ERLIN1: variants seen among roughly 807,000 people sequenced by gnomAD.
The protein encoded by ERLIN1 is ER lipid raft associated 1.
ERLIN1 carries 24 observed loss-of-function variants against 46.9 expected under a neutral mutation model. The observed-to-expected ratio is 0.51, with a 90% CI of 0.37 to 0.72. The LOEUF is 0.72. Ranked by LOEUF, ERLIN1 falls within the 30% of genes least tolerant of loss-of-function variation. ERLIN1 has a pLI of 0.00. For missense variants in ERLIN1, 293 were observed against 417.9 expected, an observed-to-expected ratio of 0.70 and a Z score of 2.61; for synonymous variants, 158 against 143.2, an observed-to-expected ratio of 1.10 and a Z score of -0.74.
chr10:100,163,667 G>A (rs902775349), intron 8 of ERLIN1, among the ~76,000 whole-genome samples: 2 of 152,152 alleles, frequency 1.3e-5, no homozygotes, highest in African/African-American at 4.8e-5. Flanking sequence ...ACTACAATCT[G>A]AAACTTTGGT....
intron 7 of ERLIN1, among the ~76,000 whole-genome samples, chr10:100,165,601 T>C (rs955168180): frequency 6.6e-6 from 1 of 152,116 alleles, no homozygotes; most frequent in South Asian, 2.1e-4. Context: ...TTAGCTAGGA[T>C]GGTCTCGATC....
chr10:100,170,500 G>A (rs992554725), intron 6 of ERLIN1, among the ~76,000 whole-genome samples: 1 of 152,156 alleles, frequency 6.6e-6, no homozygotes, highest in African/African-American at 2.4e-5. Context: ...AGATCCTTCT[G>A]GCTGTTGTGC....
chr10:100,168,385 T>C (rs920430230), intron 6 of ERLIN1, among the ~76,000 whole-genome samples: 2 of 152,160 alleles, frequency 1.3e-5, no homozygotes, highest in Non-Finnish European at 1.5e-5. Flanking sequence ...CAATCATAAC[T>C]AAATATAAGG....
chr10:100,186,001 A>C lies in ERLIN1; in HGVS notation c.-375T>G. The C allele has an allele frequency of 1.9e-5, 8 of 414,286 alleles. No homozygotes were observed. Among genetic ancestry groups the C allele is most frequent in the Non-Finnish European group, 3.0e-5 (7 of 235,866 alleles). 25.7% of individuals were successfully genotyped at this position (414,286 alleles called of 1,614,324 possible). On this transcript the variant is annotated 5_prime_UTR_variant, in exon 1 of 11. Transcript: ENST00000421367. ...TCGCCCCCGCCCGCACGTGCAGCCG[A>C]CTCCCGCGCCGAGCCAACCGCCGCC...
rs1278460605 is a variant in ERLIN1, at chr10:100,154,614, C to T, written c.825+246G>A. 2.0e-5 allele frequency among the ~76,000 whole-genome samples: 3 copies of T among 152,270 alleles called. No homozygotes were observed. The East Asian group carries it at 5.8e-4, about 29-fold the overall frequency. ...CTTCTGTCACTCTTATTTCAGAAGA[C>T]CTTCAACTTAATTAATTATTCAGCC... On this transcript the variant is annotated intron_variant, in intron 10 of 10. Transcript: ENST00000421367.
At chr10:100,170,285 A>T (rs947896156) in intron 6 of ERLIN1, among the ~76,000 whole-genome samples, 1 of 152,230 alleles carries the variant, frequency 6.6e-6, no homozygotes, top group African/African-American at 2.4e-5. Flanking sequence ...AAAATTTTAT[A>T]ACAAGACAAA....
At chr10:100,154,070 T>G (rs1383040585) in intron 10 of ERLIN1, among the ~76,000 whole-genome samples, 1 of 152,226 alleles carries the variant, frequency 6.6e-6, no homozygotes. Context: ...TTTAGTAATC[T>G]CTTTCTCAAC....
intron 2 of ERLIN1, among the ~76,000 whole-genome samples, chr10:100,181,400 C>T (rs1192184099): frequency 1.3e-5 from 2 of 152,034 alleles, no homozygotes; most frequent in East Asian, 1.9e-4. Flanking sequence ...CATTTATATA[C>T]ATTCCTTTCA....
chr10:100,155,663 C>T (rs969110308), intron 9 of ERLIN1, among the ~76,000 whole-genome samples: 28 of 151,972 alleles, frequency 1.8e-4, no homozygotes, highest in East Asian at 1.2e-3. Flanking sequence ...TACAGGCGCC[C>T]GCCACCACGC....
At position 100,185,736 on chromosome 10, in the gene ERLIN1, G is replaced by T; in HGVS notation, c.-110C>A. Reference sequence around the variant, plus strand: ...CCGGAAACTTGGCGCTCTCTCGCAGGCTGAGCCGGGGAGTCCAGTACCCCT... The same window carrying T: ...CCGGAAACTTGGCGCTCTCTCGCAGTCTGAGCCGGGGAGTCCAGTACCCCT... On this transcript the variant is annotated 5_prime_UTR_variant, in exon 1 of 11. Transcript: ENST00000421367. The T allele has an allele frequency of 1.2e-6, 1 of 853,822 alleles. No individual in the cohort carries two copies. The highest frequency in any genetic ancestry group is 2.0e-6 in the Non-Finnish European group (1 of 510,944). 52.9% of individuals were successfully genotyped at this position (853,822 alleles called of 1,614,324 possible).
intron 2 of ERLIN1, 63 bp downstream of exon 2, chr10:100,183,693 A>AGT: frequency 9.4e-7 from 1 of 1,058,716 alleles, no homozygotes; most frequent in Non-Finnish European, 1.4e-6. Context: ...TCCACCCACA[A>AGT]GTGTGGTAAC....
At chr10:100,181,060 G>A (rs1472188341) in intron 2 of ERLIN1, among the ~76,000 whole-genome samples, 1 of 152,226 alleles carries the variant, frequency 6.6e-6, no homozygotes, top group Admixed American at 6.5e-5. Context: ...TTGATGAAGA[G>A]ACAAATTATA....
chr10:100,174,902 C>CT (rs1252987454), intron 5 of ERLIN1, among the ~76,000 whole-genome samples: 2 of 152,166 alleles, frequency 1.3e-5, no homozygotes, highest in Non-Finnish European at 1.5e-5. Flanking sequence ...CTCAATGGTA[C>CT]TTTCGCTATT....
Position 100,150,500 on chromosome 10 carries a change from CA to C in ERLIN1, c.*1630del, listed in dbSNP as rs1245965910. ...TTCTTTTAAGGAGAACTAAAGAACA[CA>C]AAATTCATTTATAAAGAGAATTTAT... is the stretch of plus-strand genomic sequence containing the variant. On this transcript the variant is annotated 3_prime_UTR_variant, in exon 11 of 11. Transcript: ENST00000421367. 6.6e-6 allele frequency: 1 copy of C among 152,540 alleles called. No homozygotes were observed. Among genetic ancestry groups the C allele is most frequent in the Admixed American group, 6.5e-5 (1 of 15,274 alleles). 9.4% of individuals were successfully genotyped at this position (152,540 alleles called of 1,614,324 possible). A position where few individuals can be genotyped will look rare whatever the true frequency, so the allele number is the denominator to read the frequency against.
chr10:100,176,941 G>C (rs1207431714), intron 4 of ERLIN1, among the ~76,000 whole-genome samples: 5 of 152,114 alleles, frequency 3.3e-5, no homozygotes, highest in Non-Finnish European at 7.4e-5. Flanking sequence ...GGCCAACATG[G>C]TGAAACACTG....
At chr10:100,155,731 G>T (rs1331362588) in intron 9 of ERLIN1, among the ~76,000 whole-genome samples, 1 of 152,028 alleles carries the variant, frequency 6.6e-6, no homozygotes, top group Non-Finnish European at 1.5e-5. Flanking sequence ...AGCCGGGATG[G>T]TCTCGATCTC....
chr10:100,182,799 A>G (rs6584349), intron 2 of ERLIN1, among the ~76,000 whole-genome samples: 37,564 of 152,118 alleles, frequency 0.25, 8,215 homozygotes, highest in African/African-American at 0.58. Context: ...AGACAGGAGA[A>G]AAGGAATGGA....
intron 2 of ERLIN1, among the ~76,000 whole-genome samples, chr10:100,180,998 T>C (rs1589557163): frequency 6.6e-6 from 1 of 152,204 alleles, no homozygotes; most frequent in Non-Finnish European, 1.5e-5. Flanking sequence ...AACTCTTAGG[T>C]TGAGACATTA....
At chr10:100,172,679 G>A (rs192429983) in intron 6 of ERLIN1, among the ~76,000 whole-genome samples, 310 of 152,204 alleles carry the variant, frequency 2.0e-3, no homozygotes, top group African/African-American at 7.3e-3. Flanking sequence ...TTCCAATGTT[G>A]GTGAGTTCAT....
Sources: allele counts gnomAD v4.1 joint callset (sites outside exome capture counted in the v4.1 genomes callset), GRCh38; gene constraint gnomAD v4.1.1; transcripts MANE v1.5; gene names NCBI Gene and HGNC (gene_info 2026-07-23, HGNC 2026-07-21).